CNBD1: variants seen among roughly 807,000 people sequenced by gnomAD.
The protein encoded by CNBD1 is cyclic nucleotide binding domain containing 1, also known as cyclic nucleotide-binding domain-containing protein 1.
Under a neutral mutation model 54.4 loss-of-function variants are expected in CNBD1, and 71 were observed. The ratio of observed to expected loss-of-function variants is 1.30; its 90% CI spans 1.08 to 1.59. The LOEUF is 1.59. Among genes scored for constraint, CNBD1 ranks in the 40% most tolerant of loss-of-function variants. The pLI is 0.00. For synonymous variants in CNBD1, 182 were observed against 170.7 expected (o/e 1.07, Z -0.51); for missense variants, 659 against 518.0 (o/e 1.27, Z -2.64).
intron 4 of CNBD1, among the ~76,000 whole-genome samples, chr8:87,146,335 T>C (rs1471577303): frequency 6.6e-6 from 1 of 152,156 alleles, no homozygotes; most frequent in Non-Finnish European, 1.5e-5. Flanking sequence ...CCCAGTTACA[T>C]ATTTGTGTCT....
intron 10 of CNBD1, among the ~76,000 whole-genome samples, chr8:87,366,198 A>C (rs867584271): frequency 3.9e-5 from 6 of 152,198 alleles, no homozygotes; most frequent in Middle Eastern, 3.4e-3. Flanking sequence ...GGCTGGTTCA[A>C]CTGCGTTCTA....
intron 10 of CNBD1, among the ~76,000 whole-genome samples, chr8:87,376,293 A>G (rs1810932995): frequency 6.6e-6 from 1 of 151,814 alleles, no homozygotes; most frequent in Non-Finnish European, 1.5e-5. Context: ...CTGGTTTGCA[A>G]AAATAGCTGT....
intron 6 of CNBD1, among the ~76,000 whole-genome samples, chr8:87,272,721 A>C (rs1307061842): frequency 6.6e-6 from 1 of 152,000 alleles, no homozygotes; most frequent in Admixed American, 6.6e-5. Flanking sequence ...GGGTTTTATA[A>C]CTTCAATAGC....
chr8:87,136,512 T>A (rs1251464055), intron 4 of CNBD1, among the ~76,000 whole-genome samples: 2 of 125,262 alleles, frequency 1.6e-5, no homozygotes, highest in South Asian at 2.2e-4. Context: ...ACTTCCTTAT[T>A]TTTATATTAT....
chr8:87,354,625 C>G (rs571880888), intron 10 of CNBD1, among the ~76,000 whole-genome samples: 1 of 150,276 alleles, frequency 6.7e-6, no homozygotes, highest in South Asian at 2.1e-4. Flanking sequence ...TCTCATTGTT[C>G]AATTCCCACC....
intron 4 of CNBD1, among the ~76,000 whole-genome samples, chr8:87,118,980 T>C (rs1811836426): frequency 6.6e-6 from 1 of 152,204 alleles, no homozygotes; most frequent in African/African-American, 2.4e-5. Context: ...CTCACACAAT[T>C]ATCCATAAGC....
chr8:86,976,153 A>G (rs1808336168), intron 4 of CNBD1, among the ~76,000 whole-genome samples: 1 of 129,132 alleles, frequency 7.7e-6, no homozygotes, highest in African/African-American at 2.9e-5. Context: ...TGATTTGCAA[A>G]TATTTTCTCT....
At chr8:87,157,410 C>T (rs915933077) in intron 4 of CNBD1, among the ~76,000 whole-genome samples, 3 of 152,058 alleles carry the variant, frequency 2.0e-5, no homozygotes, top group African/African-American at 7.2e-5. Flanking sequence ...AGAATGCAGG[C>T]CCAAAGTAAT....
chr8:87,095,279 G>T (rs571427656), intron 4 of CNBD1, among the ~76,000 whole-genome samples: 1 of 152,270 alleles, frequency 6.6e-6, no homozygotes, highest in African/African-American at 2.4e-5. Context: ...GGTTAGTTTT[G>T]ATTTGAATTC....
At chr8:87,165,774 C>T (rs1360736100) in intron 4 of CNBD1, among the ~76,000 whole-genome samples, 1 of 151,958 alleles carries the variant, frequency 6.6e-6, no homozygotes, top group African/African-American at 2.4e-5. Flanking sequence ...TCACTAAATT[C>T]TGTCTAAACT....
At chr8:87,372,375 T>C (rs1232040413) in intron 10 of CNBD1, among the ~76,000 whole-genome samples, 2 of 151,980 alleles carry the variant, frequency 1.3e-5, no homozygotes, top group African/African-American at 4.8e-5. Flanking sequence ...CTTAAATGTA[T>C]ACTTTGATGT....
Position 87,284,905 on chromosome 8 carries a change from G to A in CNBD1, c.909+90G>A, listed in dbSNP as rs1314209718. On this transcript the variant is annotated intron_variant, in intron 7 of 10. Coordinates refer to ENST00000518476, the MANE Select transcript of CNBD1 (RefSeq NM_173538.3). ...TCTCTAGACAAAGACAGCTATATCT[G>A]TTTTATTTTTAAATTTTAATTTAAC... The A allele has an allele frequency of 5.5e-6, 5 of 908,596 alleles. No individual in the cohort carries two copies. The South Asian group carries it at 9.5e-5, about 17-fold the overall frequency. 56.3% of individuals were successfully genotyped at this position (908,596 alleles called of 1,614,324 possible).
At chr8:87,238,410 A>G (rs138627389) in intron 6 of CNBD1, among the ~76,000 whole-genome samples, 2 of 152,214 alleles carry the variant, frequency 1.3e-5, no homozygotes, top group Non-Finnish European at 2.9e-5. Context: ...CCACTGGGAA[A>G]CAGACCCAAA....
intron 1 of CNBD1, among the ~76,000 whole-genome samples, chr8:86,887,039 A>T (rs1042204883): frequency 2.6e-5 from 4 of 152,176 alleles, no homozygotes; most frequent in Middle Eastern, 3.2e-3. Context: ...AGGAATTGCA[A>T]ACTGAATCCA....
intron 4 of CNBD1, among the ~76,000 whole-genome samples, chr8:86,972,895 G>A (rs1045163366): frequency 6.6e-6 from 1 of 152,090 alleles, no homozygotes; most frequent in Admixed American, 6.5e-5. Flanking sequence ...AGGACATCAA[G>A]GACCCATATT....
intron 1 of CNBD1, among the ~76,000 whole-genome samples, chr8:86,874,986 TTATA>T (rs10584669): frequency 0.045 from 5,423 of 119,928 alleles, 132 homozygotes; most frequent in East Asian, 0.079. Flanking sequence ...GTAAATCAAT[TTATA>T]TATATATATA....
At chr8:87,136,301 T>A (rs1461140098) in intron 4 of CNBD1, among the ~76,000 whole-genome samples, 1 of 151,466 alleles carries the variant, frequency 6.6e-6, no homozygotes, top group African/African-American at 2.4e-5. Flanking sequence ...AATCATAATT[T>A]AATTCCAAAG....
chr8:87,188,566 C>A (rs1490360877), intron 4 of CNBD1, among the ~76,000 whole-genome samples: 1 of 151,814 alleles, frequency 6.6e-6, no homozygotes, highest in Non-Finnish European at 1.5e-5. Flanking sequence ...CCCATCTCTA[C>A]TAAAAATACA....
chr8:86,998,444 T>A (rs78545599), intron 4 of CNBD1, among the ~76,000 whole-genome samples: 6,540 of 152,094 alleles, frequency 0.043, 470 homozygotes, highest in African/African-American at 0.15. Context: ...TGGCAGCAAA[T>A]AGATCTTGAA....
Sources: gnomAD v4.1 joint callset for allele counts (sites outside exome capture counted in the v4.1 genomes callset) on GRCh38, gnomAD v4.1.1 for gene constraint, MANE v1.5 for transcripts, NCBI Gene and HGNC (gene_info 2026-07-23, HGNC 2026-07-21) for gene names.